Variants in PTPRN2 observed in about 807,000 individuals in gnomAD.
The protein encoded by PTPRN2 is receptor-type tyrosine-protein phosphatase N2.
PTPRN2 carries 74 observed loss-of-function variants against 118.8 expected under a neutral mutation model. The observed-to-expected ratio is 0.62, with a 90% CI of 0.52 to 0.76. The LOEUF is 0.76. Ranked by LOEUF, PTPRN2 falls within the 30% of genes least tolerant of loss-of-function variation. The pLI is 0.00. For missense variants in PTPRN2, 1,481 were observed against 1,394.4 expected (o/e 1.06, Z -0.99); for synonymous variants, 641 against 608.0 (o/e 1.05, Z -0.80).
chr7:158,508,576 G>A (rs1320691048), intron 1 of PTPRN2, among the ~76,000 whole-genome samples: 9 of 151,854 alleles, frequency 5.9e-5, no homozygotes, highest in African/African-American at 1.9e-4. Flanking sequence ...GAGCAGGTGC[G>A]GAAGTGGCTC....
At chr7:158,183,604 G>C (rs1357884501) in intron 5 of PTPRN2, among the ~76,000 whole-genome samples, 1 of 152,232 alleles carries the variant, frequency 6.6e-6, no homozygotes, top group African/African-American at 2.4e-5. Flanking sequence ...AATGCACACA[G>C]GGCTCTTTCT....
chr7:158,307,035 T>G (rs1801358316), intron 3 of PTPRN2, among the ~76,000 whole-genome samples: 1 of 151,990 alleles, frequency 6.6e-6, no homozygotes, highest in African/African-American at 2.4e-5. Flanking sequence ...CCCAGCTAAT[T>G]TTTGTATTTT....
At position 158,438,773 on chromosome 7, in the gene PTPRN2, AC is replaced by A. The variant is rs1816766938; in HGVS notation, c.163+50961del. ...TAGTGACTTCCTCAAAGACACTCTG[AC>A]CAGGGGTCAGCAAACCAGAGCCCCG... On this transcript the variant is annotated intron_variant, in intron 2 of 22. Coordinates refer to ENST00000389418, the MANE Select transcript of PTPRN2 (RefSeq NM_002847.5). The surrounding 1 kb of genome is among the most constrained non-coding windows in gnomAD (Gnocchi z 4.7). Among the ~76,000 whole-genome samples, 1 of 152,166 alleles carries A rather than the reference AC, an allele frequency of 6.6e-6. No homozygotes were observed. The highest frequency in any genetic ancestry group is 6.5e-5 in the Admixed American group (1 of 15,284).
intron 10 of PTPRN2, among the ~76,000 whole-genome samples, chr7:158,104,974 A>G (rs769556896): frequency 7.7e-6 from 1 of 130,144 alleles, no homozygotes. Context: ...CTCCATCAGA[A>G]CTCCACTCAG....
In PTPRN2 at chr7:157,583,349, G is replaced by T. The variant is rs888633015; in HGVS notation, c.2497-5209C>A. On this transcript the variant is annotated intron_variant, in intron 17 of 22. Transcript: ENST00000389418. The surrounding 1 kb of genome is among the most constrained non-coding windows in gnomAD (Gnocchi z 5.5). ...GGAATGGGGAGCAATTGATCCAAAG[G>T]TAGTAACTTCCAGTAGAGGACAGCT... Among the ~76,000 whole-genome samples, 1 of 152,096 alleles carries T rather than the reference G, an allele frequency of 6.6e-6. No homozygotes were observed. The highest frequency in any genetic ancestry group is 2.4e-5 in the African/African-American group (1 of 41,420).
At chr7:157,821,842 T>G (rs536805624) in intron 12 of PTPRN2, among the ~76,000 whole-genome samples, 1 of 152,212 alleles carries the variant, frequency 6.6e-6, no homozygotes, top group African/African-American at 2.4e-5. Context: ...GTGAAGATAA[T>G]TGTGAGAGAC....
intron 14 of PTPRN2, among the ~76,000 whole-genome samples, chr7:157,651,439 A>G (rs1268609927): frequency 2.0e-5 from 3 of 152,302 alleles, no homozygotes; most frequent in Non-Finnish European, 2.9e-5. Flanking sequence ...GTTAAGTTCT[A>G]TATTATTTAA....
intron 6 of PTPRN2, among the ~76,000 whole-genome samples, chr7:158,150,593 GA>G (rs749884082): frequency 6.6e-6 from 1 of 152,016 alleles, no homozygotes; most frequent in Non-Finnish European, 1.5e-5. Context: ...CATCTATATG[GA>G]AAGACCTTTT....
chr7:157,860,345 C>T (rs1367413596), intron 12 of PTPRN2, among the ~76,000 whole-genome samples: 1 of 152,202 alleles, frequency 6.6e-6, no homozygotes, highest in Non-Finnish European at 1.5e-5. Flanking sequence ...GAGAAGCAGC[C>T]CACCCCACAG....
chr7:157,700,900 T>A (rs1336049845), intron 12 of PTPRN2, among the ~76,000 whole-genome samples: 1 of 152,220 alleles, frequency 6.6e-6, no homozygotes, highest in East Asian at 1.9e-4. Context: ...TTCATTTGTT[T>A]GAGGTCGAAT....
chr7:157,875,237 C>T (rs966146995), intron 12 of PTPRN2, among the ~76,000 whole-genome samples: 1 of 152,192 alleles, frequency 6.6e-6, no homozygotes, highest in Non-Finnish European at 1.5e-5. Context: ...TGGAAACGGT[C>T]CAGACCGTGC....
At chr7:158,264,687 C>T (rs1219390122) in intron 3 of PTPRN2, among the ~76,000 whole-genome samples, 2 of 152,156 alleles carry the variant, frequency 1.3e-5, no homozygotes, top group Admixed American at 6.5e-5. Context: ...AGCCAGGAGC[C>T]GTGGGCTCTC....
intron 2 of PTPRN2, among the ~76,000 whole-genome samples, chr7:158,325,165 C>A (rs1018732824): frequency 1.3e-5 from 2 of 151,696 alleles, no homozygotes; most frequent in African/African-American, 4.9e-5. Flanking sequence ...AAGGGGGTCC[C>A]CCAGGCCCCA....
rs73510556 is a variant in PTPRN2 at position 158,546,438 on chromosome 7, C to T, written c.112+41120G>A. Among the ~76,000 whole-genome samples, 5,525 of 152,318 alleles carry T rather than the reference C, an allele frequency of 0.036. 338 individuals are homozygous for T. Among genetic ancestry groups the T allele is most frequent in the African/African-American group, 0.12 (5,172 of 41,558 alleles). On this transcript the variant is annotated intron_variant, in intron 1 of 22. Coordinates refer to ENST00000389418, the MANE Select transcript of PTPRN2 (RefSeq NM_002847.5). This position sits in a 1 kb window ranked among gnomAD's most constrained non-coding sequence, Gnocchi z 5.0. Reference sequence around the variant, plus strand: ...ACAGCCCGGAATGGTGCTGGAATCACAGCCGCCGGGTTAAGGGGCTCATGG... The same window carrying T: ...ACAGCCCGGAATGGTGCTGGAATCATAGCCGCCGGGTTAAGGGGCTCATGG...
At chr7:157,569,222 T>G (rs2150510486) in intron 20 of PTPRN2, among the ~76,000 whole-genome samples, 1 of 152,388 alleles carries the variant, frequency 6.6e-6, no homozygotes, top group East Asian at 1.9e-4. Flanking sequence ...TGACTCCCTC[T>G]TGCTTGTTCC....
At chr7:158,586,356 A>G (rs1470416860) in intron 1 of PTPRN2, among the ~76,000 whole-genome samples, 1 of 152,202 alleles carries the variant, frequency 6.6e-6, no homozygotes, top group Non-Finnish European at 1.5e-5. Context: ...ATAAAGCACT[A>G]CTGGAGACCA....
chr7:158,082,730 T>C (rs1174371231), intron 10 of PTPRN2, among the ~76,000 whole-genome samples: 1 of 152,246 alleles, frequency 6.6e-6, no homozygotes, highest in Non-Finnish European at 1.5e-5. Context: ...AAATGCACCA[T>C]GTCCACCACT....
chr7:157,900,755 C>T (rs1292989280), intron 11 of PTPRN2, among the ~76,000 whole-genome samples: 1 of 152,214 alleles, frequency 6.6e-6, no homozygotes, highest in Non-Finnish European at 1.5e-5. Flanking sequence ...CTCTGTGTCT[C>T]ACAGTTCATG....
At chr7:157,970,629 A>G (rs114693217) in intron 11 of PTPRN2, among the ~76,000 whole-genome samples, 1,706 of 124,912 alleles carry the variant, frequency 0.014, 64 homozygotes, top group African/African-American at 0.053. Context: ...TGTCACGCTC[A>G]GAGCGGACCC....
Sources: gnomAD v4.1 joint callset for allele counts (sites outside exome capture counted in the v4.1 genomes callset) on GRCh38, gnomAD v4.1.1 for gene constraint, Gnocchi (gnomAD v3.1) non-coding constraint, MANE v1.5 for transcripts, NCBI Gene and HGNC (gene_info 2026-07-23, HGNC 2026-07-21) for gene names.